Variants in DNER observed in about 807,000 individuals in gnomAD.
DNER encodes delta and Notch-like epidermal growth factor-related receptor.
In DNER, 33 loss-of-function variants were observed where a neutral mutation model predicts 78.2. The ratio of observed to expected loss-of-function variants is 0.42; its 90% CI spans 0.32 to 0.56. The LOEUF is 0.56. Among genes scored for constraint, DNER ranks in the 20% least tolerant of loss-of-function variants. The pLI is 0.11. For synonymous variants in DNER, 417 were observed against 384.8 expected (o/e 1.08, Z -0.98); for missense variants, 918 against 975.3 (o/e 0.94, Z 0.78).
intron 8 of DNER, among the ~76,000 whole-genome samples, chr2:229,446,209 C>G (rs568024616): frequency 6.6e-6 from 1 of 152,336 alleles, no homozygotes; most frequent in Non-Finnish European, 1.5e-5. Flanking sequence ...GGCTCAGAAT[C>G]TAGAAAGATC....
At chr2:229,584,893 CAA>C (rs112680143) in intron 4 of DNER, among the ~76,000 whole-genome samples, 64 of 60,808 alleles carry the variant, frequency 1.1e-3, no homozygotes, top group African/African-American at 2.8e-3. Context: ...GAGATCGTCC[CAA>C]AAAAAAAAAA....
At chr2:229,648,892 T>C (rs1190028179) in intron 1 of DNER, among the ~76,000 whole-genome samples, 4 of 152,238 alleles carry the variant, frequency 2.6e-5, no homozygotes, top group Admixed American at 1.3e-4. Context: ...GTTCCAAACC[T>C]TTTTTGTTAA....
chr2:229,420,588 T>G (rs1207967800), intron 8 of DNER, among the ~76,000 whole-genome samples: 1 of 152,178 alleles, frequency 6.6e-6, no homozygotes, highest in Non-Finnish European at 1.5e-5. Context: ...CATTTTGAGT[T>G]GGCAGTTATG....
Position 229,464,629 on chromosome 2 carries a change from C to T in DNER, c.1261+12511G>A, listed in dbSNP as rs993187885. 2.6e-5 allele frequency among the ~76,000 whole-genome samples: 4 copies of T among 152,190 alleles called. No individual in the cohort carries two copies. In the East Asian group the frequency reaches 5.8e-4, roughly 22 times the overall value. Reference sequence around the variant, plus strand: ...CCTAGACTAATTGGGAGCAGCCATGCATCAGGCACTGCTTCAAGACTTTCC... The same window carrying T: ...CCTAGACTAATTGGGAGCAGCCATGTATCAGGCACTGCTTCAAGACTTTCC... On this transcript the variant is annotated intron_variant, in intron 7 of 12. Coordinates refer to ENST00000341772, the MANE Select transcript of DNER (RefSeq NM_139072.4).
intron 1 of DNER, among the ~76,000 whole-genome samples, chr2:229,684,637 T>G (rs1038909845): frequency 1.2e-4 from 19 of 152,142 alleles, no homozygotes; most frequent in African/African-American, 4.6e-4. Flanking sequence ...GAAATTTACC[T>G]TGAATTTACC....
chr2:229,516,180 T>C (rs1250021210), intron 5 of DNER, among the ~76,000 whole-genome samples: 3 of 152,242 alleles, frequency 2.0e-5, no homozygotes, highest in African/African-American at 4.8e-5. Flanking sequence ...ATATTCTCTA[T>C]CATATCATCT....
rs1373527036 is a variant in DNER at position 229,390,044 on chromosome 2, G to A, written c.1724-1648C>T. ...CATTACATGGCAGACTGGTTGAAGG[G>A]ACATATGATCAGGAACATGCTGAGA... On this transcript the variant is annotated intron_variant, in intron 10 of 12. Transcript: ENST00000341772. Among the ~76,000 whole-genome samples, 3 of 152,198 alleles carry A rather than the reference G, an allele frequency of 2.0e-5. No individual in the cohort carries two copies. The East Asian group carries it at 5.8e-4, about 29-fold the overall frequency.
chr2:229,650,328 G>A (rs982909871), intron 1 of DNER, among the ~76,000 whole-genome samples: 13 of 152,134 alleles, frequency 8.5e-5, no homozygotes, highest in African/African-American at 3.1e-4. Flanking sequence ...GGTTTTGAAG[G>A]CATATTAGAG....
At chr2:229,456,244 G>T (rs544056250) in intron 7 of DNER, among the ~76,000 whole-genome samples, 174 of 151,764 alleles carry the variant, frequency 1.1e-3, no homozygotes, top group Admixed American at 6.8e-3. Context: ...TGCAGGAGGT[G>T]CCACACACTT....
At chr2:229,589,243 T>TA (rs1369919662) in intron 2 of DNER, among the ~76,000 whole-genome samples, 1 of 152,176 alleles carries the variant, frequency 6.6e-6, no homozygotes, top group African/African-American at 2.4e-5. Flanking sequence ...GAAGCAGTAT[T>TA]AAAAGTATTC....
intron 4 of DNER, among the ~76,000 whole-genome samples, chr2:229,552,859 T>C (rs1378535630): frequency 4.6e-5 from 7 of 152,150 alleles, no homozygotes; most frequent in Admixed American, 1.3e-4. Flanking sequence ...GCCTGGACTA[T>C]GGGAGGAGAG....
rs754654043 is a variant in DNER at position 229,447,396 on chromosome 2, A to G, written c.1406T>C (p.Ile469Thr). ...GFTGPTCAQL[I>T]DFCALSPCAH... ...ACAGGGGCTGAGGGCACAGAAGTCA[A>G]TAAGCTGGGCACAGGTCGGCCCTGT... The change falls in exon 8 of 13, where the codon ATT (isoleucine) becomes ACT (threonine). Residue 469 changes from isoleucine to threonine, a missense_variant. Physicochemically the swap from Ile to Thr is moderately conservative, Grantham distance 89 (BLOSUM62 -1). Coordinates refer to ENST00000341772, the MANE Select transcript of DNER (RefSeq NM_139072.4). 6.2e-7 allele frequency: 1 copy of G among 1,613,642 alleles called. No individual in the cohort carries two copies. The highest frequency in any genetic ancestry group is 8.5e-7 in the Non-Finnish European group (1 of 1,179,848).
intron 1 of DNER, among the ~76,000 whole-genome samples, chr2:229,650,058 G>C (rs1169902555): frequency 1.5e-5 from 2 of 131,112 alleles, no homozygotes; most frequent in African/African-American, 6.1e-5. Flanking sequence ...CTGGGTGACA[G>C]AGCAAGACTC....
intron 8 of DNER, among the ~76,000 whole-genome samples, chr2:229,425,769 A>T (rs920743179): frequency 3.3e-5 from 5 of 152,126 alleles, no homozygotes; most frequent in African/African-American, 1.2e-4. Flanking sequence ...ACAAATTCCC[A>T]GCGACTCATC....
intron 1 of DNER, among the ~76,000 whole-genome samples, chr2:229,600,865 G>A (rs1050970914): frequency 2.0e-5 from 3 of 152,208 alleles, no homozygotes; most frequent in African/African-American, 7.2e-5. Flanking sequence ...ACAGACTAAG[G>A]GGATATTGAA....
chr2:229,554,692 A>AAAAT lies in DNER; in HGVS notation c.848-7604_848-7601dup, dbSNP rs568515499. ...TGACGGAGTAAGGCTCTGTCTCAAA[A>AAAAT]AAATAAATAAATAAATAATAAAAAT... On this transcript the variant is annotated intron_variant, in intron 4 of 12. Coordinates refer to ENST00000341772, the MANE Select transcript of DNER (RefSeq NM_139072.4). Among the ~76,000 whole-genome samples the AAAAT allele has an allele frequency of 7.3e-3, 1,105 of 152,042 alleles. 6 individuals carry two copies. Among genetic ancestry groups the AAAAT allele is most frequent in the Middle Eastern group, 0.02 (6 of 294 alleles).
intron 8 of DNER, among the ~76,000 whole-genome samples, chr2:229,432,468 C>T (rs139509868): frequency 4.6e-5 from 7 of 152,256 alleles, no homozygotes; most frequent in African/African-American, 1.7e-4. Flanking sequence ...AGTATGCATA[C>T]TAACAAAGAG....
chr2:229,659,502 A>G (rs12469914), intron 1 of DNER, among the ~76,000 whole-genome samples: 17,230 of 152,148 alleles, frequency 0.11, 2,340 homozygotes, highest in African/African-American at 0.32. Context: ...CCGGGCAGAC[A>G]AAAACAGTAT....
intron 8 of DNER, among the ~76,000 whole-genome samples, chr2:229,446,821 G>T (rs1668264726): frequency 6.6e-6 from 1 of 152,292 alleles, no homozygotes; most frequent in Non-Finnish European, 1.5e-5. Context: ...AACATAATGT[G>T]CATAGAGTAA....
Sources: gnomAD v4.1 joint callset for allele counts (sites outside exome capture counted in the v4.1 genomes callset) on GRCh38, gnomAD v4.1.1 for gene constraint, MANE v1.5 for transcripts, NCBI Gene and HGNC (gene_info 2026-07-23, HGNC 2026-07-21) for gene names.